The following THSD7B variants were observed in gnomAD, a reference collection of about 807,000 sequenced individuals.
THSD7B encodes the protein thrombospondin type 1 domain containing 7B, also known as thrombospondin type-1 domain-containing protein 7B.
Under a neutral mutation model 213.6 loss-of-function variants are expected in THSD7B, and 138 were observed. The observed-to-expected ratio is 0.65, with a 90% CI of 0.56 to 0.74. The LOEUF (loss-of-function observed/expected upper bound fraction) is 0.74. Among genes scored for constraint, THSD7B ranks in the 30% least tolerant of loss-of-function variants. THSD7B has a pLI of 0.00. For synonymous variants in THSD7B, 742 were observed against 687.0 expected (o/e 1.08, Z -1.25); for missense variants, 1,931 against 1,991.5 (o/e 0.97, Z 0.58).
At chr2:137,239,027 C>T (rs548929239) in intron 9 of THSD7B, among the ~76,000 whole-genome samples, 9 of 152,160 alleles carry the variant, frequency 5.9e-5, no homozygotes, top group South Asian at 4.2e-4. Flanking sequence ...TTTATCAAAG[C>T]GTTACGTGTT....
chr2:136,934,012 G>T (rs905695263), intron 2 of THSD7B, among the ~76,000 whole-genome samples: 4 of 152,098 alleles, frequency 2.6e-5, no homozygotes, highest in Non-Finnish European at 4.4e-5. Flanking sequence ...CAGACAGTTT[G>T]CCAGGCAGCC....
At chr2:137,435,185 C>T (rs1269109397) in intron 14 of THSD7B, among the ~76,000 whole-genome samples, 1 of 152,074 alleles carries the variant, frequency 6.6e-6, no homozygotes, top group Non-Finnish European at 1.5e-5. Flanking sequence ...ATTTAAGTTG[C>T]AGTTAATTAA....
chr2:136,927,021 T>G (rs1458830352), intron 2 of THSD7B, among the ~76,000 whole-genome samples: 1 of 152,226 alleles, frequency 6.6e-6, no homozygotes, highest in Non-Finnish European at 1.5e-5. Context: ...CTTTAGTAAT[T>G]CTCTACCAGT....
intron 15 of THSD7B, among the ~76,000 whole-genome samples, chr2:137,508,451 A>T (rs1472319630): frequency 6.3e-4 from 86 of 136,904 alleles, no homozygotes; most frequent in African/African-American, 1.9e-3. Flanking sequence ...ATCTCTGCTC[A>T]CTGCAAGCTC....
intron 5 of THSD7B, among the ~76,000 whole-genome samples, chr2:137,145,802 A>C (rs1679686848): frequency 6.6e-6 from 1 of 152,120 alleles, no homozygotes; most frequent in Admixed American, 6.6e-5. Flanking sequence ...CCTTTTAGAA[A>C]TATGTAATAA....
At chr2:136,789,695 T>C (rs980526292) in intron 1 of THSD7B, among the ~76,000 whole-genome samples, 5 of 152,050 alleles carry the variant, frequency 3.3e-5, no homozygotes, top group Non-Finnish European at 7.4e-5. Context: ...ATATGTGACA[T>C]TTATGGGAGT....
chr2:137,015,123 G>A (rs575356363), intron 2 of THSD7B, among the ~76,000 whole-genome samples: 38 of 152,140 alleles, frequency 2.5e-4, no homozygotes, highest in African/African-American at 8.9e-4. Context: ...TTAAACTATA[G>A]ACTCCCAGGG....
At chr2:137,235,200 A>G (rs1681738154) in intron 9 of THSD7B, among the ~76,000 whole-genome samples, 1 of 152,212 alleles carries the variant, frequency 6.6e-6, no homozygotes, top group South Asian at 2.1e-4. Context: ...GTTTATTTTT[A>G]TGACCTGAAT....
chr2:137,394,880 C>G (rs1290673664), intron 12 of THSD7B, among the ~76,000 whole-genome samples: 3 of 144,916 alleles, frequency 2.1e-5, no homozygotes, highest in African/African-American at 8.0e-5. Flanking sequence ...TCCTTCACAT[C>G]CCTTGTAAGT....
intron 1 of THSD7B, among the ~76,000 whole-genome samples, chr2:136,807,762 T>C (rs968349963): frequency 6.6e-6 from 1 of 152,120 alleles, no homozygotes; most frequent in Admixed American, 6.5e-5. Flanking sequence ...CGCCTCGGCC[T>C]CTCAAAGTGC....
chr2:137,466,393 G>C (rs1174994931), intron 15 of THSD7B, among the ~76,000 whole-genome samples: 3 of 152,182 alleles, frequency 2.0e-5, no homozygotes, highest in Non-Finnish European at 4.4e-5. Flanking sequence ...TCTGGATCAA[G>C]CTTGTCCAAC....
intron 12 of THSD7B, among the ~76,000 whole-genome samples, chr2:137,288,698 T>C (rs1683244635): frequency 6.6e-6 from 1 of 151,884 alleles, no homozygotes; most frequent in South Asian, 2.1e-4. Flanking sequence ...CATTAAAAAG[T>C]TCACATCAAT....
At chr2:136,850,061 T>C (rs964184639) in intron 1 of THSD7B, among the ~76,000 whole-genome samples, 1 of 152,060 alleles carries the variant, frequency 6.6e-6, no homozygotes, top group Admixed American at 6.6e-5. Context: ...TATATGCTTT[T>C]ATAAAATATA....
intron 15 of THSD7B, among the ~76,000 whole-genome samples, chr2:137,559,896 T>G (rs2105219522): frequency 6.6e-6 from 1 of 152,068 alleles, no homozygotes; most frequent in South Asian, 2.1e-4. Context: ...AACAAGTGGG[T>G]GAAGGATATG....
chr2:137,318,051 C>CT (rs1291611159), intron 12 of THSD7B, among the ~76,000 whole-genome samples: 1 of 152,156 alleles, frequency 6.6e-6, no homozygotes, highest in Non-Finnish European at 1.5e-5. Flanking sequence ...TAAACCCACT[C>CT]TATTAGGCAA....
At chr2:137,298,766 C>T (rs551002318) in intron 12 of THSD7B, among the ~76,000 whole-genome samples, 13 of 152,260 alleles carry the variant, frequency 8.5e-5, no homozygotes, top group East Asian at 7.8e-4. Flanking sequence ...GTTGAGCCTG[C>T]GGGTGCACAG....
intron 4 of THSD7B, among the ~76,000 whole-genome samples, chr2:137,113,694 C>T (rs1688394937): frequency 6.6e-6 from 1 of 152,178 alleles, no homozygotes. Context: ...ACCTCAGCCT[C>T]TCAAAGTGCT....
chr2:137,189,370 C>T (rs1359643519), intron 7 of THSD7B, among the ~76,000 whole-genome samples: 1 of 152,158 alleles, frequency 6.6e-6, no homozygotes, highest in Non-Finnish European at 1.5e-5. Context: ...TACATAGGCC[C>T]TGTAACATCA....
intron 15 of THSD7B, chr2:137,511,953 C>T (rs769130579): frequency 2.6e-5 from 4 of 152,172 alleles, no homozygotes; most frequent in Non-Finnish European, 2.9e-5. Flanking sequence ...GATTTTGCCA[C>T]CCTATATGAA....
Sources: gnomAD v4.1 joint callset for allele counts (sites outside exome capture counted in the v4.1 genomes callset) on GRCh38, gnomAD v4.1.1 for gene constraint, MANE v1.5 for transcripts, NCBI Gene and HGNC (gene_info 2026-07-23, HGNC 2026-07-21) for gene names.